The following TRERF1 variants were observed in gnomAD, a reference collection of about 807,000 sequenced individuals.
TRERF1 encodes the protein transcriptional-regulating factor 1.
A neutral mutation model predicts 122.9 loss-of-function variants in TRERF1; 27 were observed. That is an observed-to-expected ratio of 0.22 (90% CI 0.16 to 0.30). TRERF1 has a LOEUF of 0.30. TRERF1 is among the 10% of genes least tolerant of loss of function. TRERF1 has a pLI of 1.00. For synonymous variants in TRERF1, 636 were observed against 641.7 expected (o/e 0.99, Z 0.13); for missense variants, 1,248 against 1,560.3 (o/e 0.80, Z 3.37).
chr6:42,323,997 A>G (rs952991873), intron 3 of TRERF1, among the ~76,000 whole-genome samples: 1 of 152,198 alleles, frequency 6.6e-6, no homozygotes, highest in African/African-American at 2.4e-5. Flanking sequence ...GGGACATTAC[A>G]TGGATGGGAT....
intron 2 of TRERF1, among the ~76,000 whole-genome samples, chr6:42,438,611 A>G (rs1393534305): frequency 8.9e-6 from 1 of 111,998 alleles, no homozygotes; most frequent in East Asian, 2.2e-4. Context: ...CTCTGTCTCA[A>G]AAAAAAAAAA....
intron 17 of TRERF1, among the ~76,000 whole-genome samples, chr6:42,230,359 C>CA (rs34587398): frequency 0.078 from 10,972 of 139,932 alleles, 425 homozygotes; most frequent in Middle Eastern, 0.093. Flanking sequence ...CGTAAGACTC[C>CA]AAAAAAAAAA....
rs935378547 is a variant in TRERF1, at chr6:42,393,551, GC to G, written c.-453-30473del. 7.9e-5 allele frequency among the ~76,000 whole-genome samples: 12 copies of G among 152,234 alleles called. No homozygotes were observed. The highest frequency in any genetic ancestry group is 1.2e-4 in the Non-Finnish European group (8 of 68,042). On this transcript the variant is annotated intron_variant, in intron 2 of 17. Coordinates refer to ENST00000372922, the Ensembl canonical transcript of TRERF1. This position sits in a 1 kb window ranked among gnomAD's most constrained non-coding sequence, Gnocchi z 4.1. Reference sequence around the variant, plus strand: ...AGGTCACGGGAGTGTGCAAGGCCTGGCAAAACCTGAAACTAATGCAACCATT... The same window carrying G: ...AGGTCACGGGAGTGTGCAAGGCCTGGAAAACCTGAAACTAATGCAACCATT...
chr6:42,380,658 C>T (rs987690882), intron 2 of TRERF1, among the ~76,000 whole-genome samples: 9 of 152,324 alleles, frequency 5.9e-5, no homozygotes, highest in Admixed American at 3.3e-4. Flanking sequence ...AATTCCCCAC[C>T]GCCTGCCCCA....
At chr6:42,397,365 G>T (rs539516686) in intron 2 of TRERF1, among the ~76,000 whole-genome samples, 2 of 152,206 alleles carry the variant, frequency 1.3e-5, no homozygotes, top group African/African-American at 4.8e-5. Flanking sequence ...AGGCACCGTC[G>T]GGATGTACTG....
intron 15 of TRERF1, among the ~76,000 whole-genome samples, chr6:42,241,845 A>G (rs554306011): frequency 5.3e-5 from 8 of 152,336 alleles, no homozygotes; most frequent in African/African-American, 1.9e-4. Flanking sequence ...CTGTAATCCC[A>G]GCACTTTGGG....
chr6:42,284,541 C>T (rs1782854424), intron 4 of TRERF1, among the ~76,000 whole-genome samples: 1 of 152,198 alleles, frequency 6.6e-6, no homozygotes, highest in South Asian at 2.1e-4. Flanking sequence ...TAGCACTTCT[C>T]TTTCTTTTTT....
intron 2 of TRERF1, among the ~76,000 whole-genome samples, chr6:42,407,385 C>T (rs914419317): frequency 1.1e-4 from 16 of 152,180 alleles, no homozygotes; most frequent in African/African-American, 3.9e-4. Context: ...TCTGTTGTCA[C>T]GCTAGTCCTG....
chr6:42,390,959 A>G lies in TRERF1; in HGVS notation c.-453-27880T>C, dbSNP rs74320158. On this transcript the variant is annotated intron_variant, in intron 2 of 17. Transcript: ENST00000372922. ...TCCAGGGAGGGATCACCACTGGGAAAAGGAACTGAAAGACTGAAATGCTTT... is the reference window on the plus strand; with the variant it reads ...TCCAGGGAGGGATCACCACTGGGAAGAGGAACTGAAAGACTGAAATGCTTT... 2.3e-3 allele frequency among the ~76,000 whole-genome samples: 353 copies of G among 152,312 alleles called. 1 individual carries two copies. Among genetic ancestry groups the G allele is most frequent in the African/African-American group, 8.2e-3 (342 of 41,564 alleles).
intron 15 of TRERF1, among the ~76,000 whole-genome samples, chr6:42,237,110 G>T (rs941717085): frequency 1.3e-5 from 2 of 152,210 alleles, no homozygotes; most frequent in Non-Finnish European, 2.9e-5. Context: ...TCCTACCAGA[G>T]GCATTTAATG....
At chr6:42,436,106 C>T (rs1285376700) in intron 2 of TRERF1, among the ~76,000 whole-genome samples, 2 of 152,174 alleles carry the variant, frequency 1.3e-5, no homozygotes, top group East Asian at 3.8e-4. Flanking sequence ...CAGTGGCTCA[C>T]GCCTGTAATT....
intron 4 of TRERF1, among the ~76,000 whole-genome samples, chr6:42,288,476 G>A (rs1486138096): frequency 1.3e-5 from 2 of 150,932 alleles, no homozygotes; most frequent in African/African-American, 4.9e-5. Flanking sequence ...GCTGAGGCAG[G>A]AGAATCGCTT....
At chr6:42,321,012 A>T (rs1763349934) in intron 3 of TRERF1, among the ~76,000 whole-genome samples, 2 of 152,094 alleles carry the variant, frequency 1.3e-5, no homozygotes, top group Non-Finnish European at 2.9e-5. Context: ...CAGGCTCATG[A>T]CTCAGAGACG....
At chr6:42,381,435 G>A (rs1166261378) in intron 2 of TRERF1, among the ~76,000 whole-genome samples, 2 of 151,638 alleles carry the variant, frequency 1.3e-5, no homozygotes, top group Non-Finnish European at 2.9e-5. Flanking sequence ...TGAATATGAA[G>A]CTCCATGCTG....
At chr6:42,257,335 C>T (rs1403127582) in intron 10 of TRERF1, among the ~76,000 whole-genome samples, 1 of 152,158 alleles carries the variant, frequency 6.6e-6, no homozygotes, top group African/African-American at 2.4e-5. Context: ...CGGCCTGGGG[C>T]TTTTACAGCT....
intron 4 of TRERF1, among the ~76,000 whole-genome samples, chr6:42,294,334 A>G (rs147857866): frequency 0.014 from 2,078 of 151,754 alleles, 17 homozygotes; most frequent in South Asian, 0.03. Context: ...GTGCGCCACC[A>G]CGCCCGGCTA....
In TRERF1 at chr6:42,291,602, C is replaced by T. The variant is rs189085492; in HGVS notation, c.-259+9036G>A. 3.9e-3 allele frequency among the ~76,000 whole-genome samples: 596 copies of T among 152,160 alleles called. 2 individuals are homozygous for T. Among genetic ancestry groups the T allele is most frequent in the African/African-American group, 0.014 (572 of 41,504 alleles). On this transcript the variant is annotated intron_variant, in intron 4 of 17. Transcript: ENST00000372922. ...AGGCTGGAGTGCAGTGGCACAATCT[C>T]GGCTCACTGCAAGCTCTGCCTCCTG...
At chr6:42,401,740 G>A (rs140040136) in intron 2 of TRERF1, among the ~76,000 whole-genome samples, 1 of 152,266 alleles carries the variant, frequency 6.6e-6, no homozygotes, top group East Asian at 1.9e-4. Flanking sequence ...CTGCAAGAGG[G>A]AACATGCTGT....
chr6:42,361,323 A>G (rs1771719385), intron 3 of TRERF1, among the ~76,000 whole-genome samples: 1 of 152,326 alleles, frequency 6.6e-6, no homozygotes, highest in Middle Eastern at 3.4e-3. Flanking sequence ...AAGCCTCCAC[A>G]TCTATGGCAT....
Sources: allele counts gnomAD v4.1 joint callset (sites outside exome capture counted in the v4.1 genomes callset), GRCh38; gene constraint gnomAD v4.1.1; non-coding constraint Gnocchi (gnomAD v3.1); transcripts MANE v1.5; gene names NCBI Gene and HGNC (gene_info 2026-07-23, HGNC 2026-07-21).